RANBP17: variants seen among roughly 807,000 people sequenced by gnomAD.
RANBP17 encodes the protein RAN binding protein 17.
RANBP17 carries 158 observed loss-of-function variants against 141.2 expected under a neutral mutation model. That is an observed-to-expected ratio of 1.12 (90% CI 0.98 to 1.28). The LOEUF (loss-of-function observed/expected upper bound fraction) is 1.28, where lower values mean the gene tolerates loss of function less well. Among genes scored for constraint, RANBP17 ranks in the 50% most tolerant of loss-of-function variants. RANBP17 has a pLI of 0.00. For missense variants in RANBP17, 1,438 were observed against 1,290.7 expected, an observed-to-expected ratio of 1.11 and a Z score of -1.75; for synonymous variants, 430 against 450.0, an observed-to-expected ratio of 0.96 and a Z score of 0.56.
Position 171,205,524 on chromosome 5 carries a change from C to T in RANBP17, c.2143C>T (p.Arg715Cys), listed in dbSNP as rs748335843. Residue 715 changes from arginine (R) to cysteine (C), a missense_variant and splice_region_variant, in exon 20 of 28, where the codon CGT (arginine) becomes TGT (cysteine). Arg to Cys is a radical substitution (Grantham distance 180). Transcript: ENST00000523189. ...TACTGTGTCTCTTTCCCACTGACAG[C>T]GTATGTTGATCGGGCTGGCAAGAGA... ...NNNFKQEDVK[R>C]MLIGLARDLR... The T allele has an allele frequency of 8.7e-6, 14 of 1,612,954 alleles. No individual in the cohort carries two copies. The highest frequency in any genetic ancestry group is 1.6e-4 in the Middle Eastern group (1 of 6,072).
At chr5:171,257,924 G>A (rs947921175) in intron 24 of RANBP17, among the ~76,000 whole-genome samples, 3 of 151,860 alleles carry the variant, frequency 2.0e-5, no homozygotes, top group African/African-American at 7.3e-5. Flanking sequence ...TGACCAACAT[G>A]GAGAAACCCC....
intron 14 of RANBP17, among the ~76,000 whole-genome samples, chr5:171,129,905 A>C (rs1024711448): frequency 4.6e-5 from 7 of 152,188 alleles, no homozygotes; most frequent in African/African-American, 1.7e-4. Flanking sequence ...AATCATATGA[A>C]TAGTATTAGA....
intron 14 of RANBP17, among the ~76,000 whole-genome samples, chr5:171,088,375 TC>T (rs1785874841): frequency 6.6e-6 from 1 of 152,162 alleles, no homozygotes; most frequent in South Asian, 2.1e-4. Context: ...ACATGACCTT[TC>T]TCTCTGGCTG....
intron 12 of RANBP17, among the ~76,000 whole-genome samples, chr5:170,926,664 A>C (rs556439580): frequency 7.9e-5 from 12 of 151,404 alleles, no homozygotes; most frequent in African/African-American, 2.7e-4. Context: ...AATTCACAAA[A>C]ATTTTTTTGA....
intron 22 of RANBP17, among the ~76,000 whole-genome samples, chr5:171,240,390 T>C (rs978315024): frequency 1.3e-5 from 2 of 152,214 alleles, no homozygotes; most frequent in Non-Finnish European, 2.9e-5. Flanking sequence ...TAATATTTAC[T>C]GTACACTGCA....
intron 14 of RANBP17, among the ~76,000 whole-genome samples, chr5:170,978,525 GA>G: frequency 6.6e-6 from 1 of 152,060 alleles, no homozygotes. Context: ...TTTAAAAAAA[GA>G]AAAACTACAT....
At chr5:171,118,283 G>A (rs979413245) in intron 14 of RANBP17, among the ~76,000 whole-genome samples, 3 of 152,134 alleles carry the variant, frequency 2.0e-5, no homozygotes, top group South Asian at 4.1e-4. Flanking sequence ...GTACCATACC[G>A]TTTAGCTTAC....
At chr5:171,041,434 G>A (rs985308659) in intron 14 of RANBP17, among the ~76,000 whole-genome samples, 1 of 152,064 alleles carries the variant, frequency 6.6e-6, no homozygotes, top group Non-Finnish European at 1.5e-5. Context: ...AGGAAGTCCT[G>A]TAATATCCTA....
At chr5:171,267,807 AAAG>A in intron 25 of RANBP17, among the ~76,000 whole-genome samples, 1 of 152,186 alleles carries the variant, frequency 6.6e-6, no homozygotes, top group Non-Finnish European at 1.5e-5. Context: ...CTCAAAAAAA[AAAG>A]AAAAAGAAAA....
intron 14 of RANBP17, among the ~76,000 whole-genome samples, chr5:171,050,591 C>G (rs1000961152): frequency 6.6e-6 from 1 of 152,130 alleles, no homozygotes; most frequent in African/African-American, 2.4e-5. Context: ...CCTGTGGTCC[C>G]AGCTCTTCAG....
At chr5:171,089,716 G>A (rs1258893496) in intron 14 of RANBP17, among the ~76,000 whole-genome samples, 1 of 152,168 alleles carries the variant, frequency 6.6e-6, no homozygotes, top group Non-Finnish European at 1.5e-5. Flanking sequence ...GGAGTGACCC[G>A]ATTTTCCAGG....
intron 14 of RANBP17, among the ~76,000 whole-genome samples, chr5:171,012,010 T>C (rs1561985908): frequency 6.6e-6 from 1 of 151,382 alleles, no homozygotes; most frequent in Non-Finnish European, 1.5e-5. Flanking sequence ...GCCTCAGTAA[T>C]ATATTTGTTT....
intron 13 of RANBP17, among the ~76,000 whole-genome samples, chr5:170,955,649 T>TGTATAC (rs1491469717): frequency 1.4e-4 from 1 of 7,262 alleles, no homozygotes; most frequent in Admixed American, 1.3e-3. Flanking sequence ...ATGCTCAGTG[T>TGTATAC]ATATATATAT....
At chr5:171,252,556 T>TA in intron 24 of RANBP17, 3 of 1,386,396 alleles carry the variant, frequency 2.2e-6, no homozygotes, top group Non-Finnish European at 3.1e-6. Context: ...GAGGAAAGTT[T>TA]AAAAACTGCC....
intron 8 of RANBP17, among the ~76,000 whole-genome samples, chr5:170,916,062 A>G (rs1015421887): frequency 7.9e-5 from 12 of 151,590 alleles, no homozygotes; most frequent in Non-Finnish European, 1.5e-4. Context: ...AATGCTTTTT[A>G]TATTGCATTA....
intron 14 of RANBP17, among the ~76,000 whole-genome samples, chr5:171,047,054 G>C (rs1237868448): frequency 1.4e-5 from 1 of 69,126 alleles, no homozygotes; most frequent in Non-Finnish European, 2.6e-5. Context: ...TTTTGCTCTT[G>C]TTGCCCAGGC....
chr5:171,125,310 A>AAG (rs1756355013), intron 14 of RANBP17, among the ~76,000 whole-genome samples: 2 of 151,036 alleles, frequency 1.3e-5, no homozygotes, highest in South Asian at 2.1e-4. Context: ...AAAAAAAAAA[A>AAG]AAAAAGAAAG....
intron 1 of RANBP17, among the ~76,000 whole-genome samples, chr5:170,872,541 A>G (rs1354123186): frequency 6.6e-6 from 1 of 152,044 alleles, no homozygotes; most frequent in Non-Finnish European, 1.5e-5. Context: ...AACTTCCCAT[A>G]CTGTGTTGAA....
intron 14 of RANBP17, among the ~76,000 whole-genome samples, chr5:171,109,919 T>C (rs1177930263): frequency 6.6e-6 from 1 of 152,094 alleles, no homozygotes; most frequent in Admixed American, 6.6e-5. Context: ...TTTTAATAAC[T>C]TGGGAAACTG....
Sources: allele counts gnomAD v4.1 joint callset (sites outside exome capture counted in the v4.1 genomes callset), GRCh38; gene constraint gnomAD v4.1.1; transcripts MANE v1.5; gene names NCBI Gene and HGNC (gene_info 2026-07-23, HGNC 2026-07-21).